ATXN7: variants seen among roughly 807,000 people sequenced by gnomAD.
ATXN7 encodes the protein ataxin-7.
Under a neutral mutation model 70.5 loss-of-function variants are expected in ATXN7, and 12 were observed. The ratio of observed to expected loss-of-function variants is 0.17; its 90% confidence interval spans 0.11 to 0.28. ATXN7 has a LOEUF of 0.28. ATXN7 is among the 10% of genes least tolerant of loss of function. The pLI, the probability that ATXN7 is intolerant of heterozygous loss-of-function variation, is 1.00. For synonymous variants in ATXN7, 498 were observed against 448.7 expected, an observed-to-expected ratio of 1.11 and a Z score of -1.39; for missense variants, 1,256 against 1,131.7, an observed-to-expected ratio of 1.11 and a Z score of -1.58.
At position 63,993,566 on chromosome 3, in the gene ATXN7, T is replaced by C. The variant is rs749891863; in HGVS notation, c.1683-1939T>C. Among the ~76,000 whole-genome samples, 184 of 152,232 alleles carry C rather than the reference T, an allele frequency of 1.2e-3. 3 individuals are homozygous for C. The highest frequency in any genetic ancestry group is 1.5e-3 in the Non-Finnish European group (100 of 68,046). Reference sequence around the variant, plus strand: ...CCACAGACATTTTTATTATTTTTTATGTATCTCTACATAGTTTATTTATGC... The same window carrying C: ...CCACAGACATTTTTATTATTTTTTACGTATCTCTACATAGTTTATTTATGC... On this transcript the variant is annotated intron_variant, in intron 11 of 12. Transcript: ENST00000674280.
At chr3:63,980,683 C>T (rs2075471399) in intron 6 of ATXN7, 1 of 157,980 alleles carries the variant, frequency 6.3e-6, no homozygotes, top group Admixed American at 6.0e-5. Flanking sequence ...TGTCTAGCAC[C>T]TGGCATAGTG....
rs375525794 is a variant in ATXN7 at position 63,978,889 on chromosome 3, C to T, written c.500-1026C>T. On this transcript the variant is annotated intron_variant, in intron 5 of 12. Transcript: ENST00000674280. ...AAACCATTGAAGTCTTACTTGTGGTCATTGATCATCATGTGCTTAATGTTT... is the reference window on the plus strand; with the variant it reads ...AAACCATTGAAGTCTTACTTGTGGTTATTGATCATCATGTGCTTAATGTTT... 3.1e-4 allele frequency among the ~76,000 whole-genome samples: 47 copies of T among 152,306 alleles called. No individual in the cohort carries two copies. In the East Asian group the frequency reaches 3.7e-3, roughly 12 times the overall value.
Position 64,002,906 on chromosome 3 carries a change from C to G in ATXN7, c.*3439C>G, listed in dbSNP as rs2075849748. 1.3e-5 allele frequency: 2 copies of G among 151,678 alleles called. No individual in the cohort carries two copies. The highest frequency in any genetic ancestry group is 1.3e-4 in the Admixed American group (2 of 15,222). 9.4% of individuals were successfully genotyped at this position (151,678 alleles called of 1,614,324 possible). On this transcript the variant is annotated 3_prime_UTR_variant, in exon 13 of 13. Coordinates refer to ENST00000674280, the MANE Select transcript of ATXN7 (RefSeq NM_001377405.1). ...TAAAATATTTAAAATATTTTGTATT[C>G]CAAAAATATAATACAAAGAAGTACC... is the stretch of plus-strand genomic sequence containing the variant.
chr3:63,972,158 A>T (rs1559651466), intron 5 of ATXN7, among the ~76,000 whole-genome samples: 1 of 152,250 alleles, frequency 6.6e-6, no homozygotes, highest in Non-Finnish European at 1.5e-5. Context: ...AAAAATAAAC[A>T]ATAAATAATT....
chr3:63,872,602 C>G (rs996160530), intron 1 of ATXN7, among the ~76,000 whole-genome samples: 7 of 152,306 alleles, frequency 4.6e-5, no homozygotes, highest in Admixed American at 1.3e-4. Flanking sequence ...AAGCAAGTCA[C>G]AAGGCCAACT....
At position 63,884,604 on chromosome 3, in the gene ATXN7, A is replaced by G. The variant is rs79304448; in HGVS notation, c.-110-13795A>G. ...CTCCAAATGATTTATGCAGATAATC[A>G]TCTCTCAAGGAGATGGAACATCACT... On this transcript the variant is annotated intron_variant, in intron 1 of 12. Coordinates refer to ENST00000674280, the MANE Select transcript of ATXN7 (RefSeq NM_001377405.1). 3.1e-3 allele frequency among the ~76,000 whole-genome samples: 470 copies of G among 152,124 alleles called. 3 individuals are homozygous for G. The highest frequency in any genetic ancestry group is 0.011 in the African/African-American group (451 of 41,524).
chr3:63,995,100 C>T (rs986523921), intron 11 of ATXN7, among the ~76,000 whole-genome samples: 10 of 148,926 alleles, frequency 6.7e-5, no homozygotes, highest in African/African-American at 1.9e-4. Flanking sequence ...AGGACCACAA[C>T]GGTAATTAAG....
chr3:63,912,848 C>T lies in ATXN7; in HGVS notation c.250C>T (p.Leu84=), dbSNP rs754838412. 15 of 1,612,490 alleles carry T rather than the reference C, an allele frequency of 9.3e-6. No homozygotes were observed. Among genetic ancestry groups the T allele is most frequent in the South Asian group, 5.5e-5 (5 of 91,056 alleles). ...GGCGACGGTCGGGGAGCGCAGGCCTCTGCCCAGTCCTGAAGTGATGCTGGG... is the reference window on the plus strand; with the variant it reads ...GGCGACGGTCGGGGAGCGCAGGCCTTTGCCCAGTCCTGAAGTGATGCTGGG... ...AMATVGERRP[L]PSPEVMLGQS... The change falls in exon 3 of 13, where the codon CTG becomes TTG. Residue 84 remains leucine, a synonymous_variant. Transcript: ENST00000674280.
In ATXN7 at chr3:63,982,388, G is replaced by C; in HGVS notation, c.955G>C (p.Glu319Gln). 1 of 1,613,622 alleles carries C rather than the reference G, an allele frequency of 6.2e-7. No individual in the cohort carries two copies. The highest frequency in any genetic ancestry group is 8.5e-7 in the Non-Finnish European group (1 of 1,179,652). The change falls in exon 7 of 13, where the codon GAA becomes CAA. Residue 319 changes from glutamate to glutamine, a missense_variant. Transcript: ENST00000674280. The stretch of plus-strand genomic sequence containing the variant: ...AGGGCTTCCTGCACCGCCCACTCTG[G>C]AAAAGAAACCTGAAGACAATTCCAA... Reference protein sequence around the residue: ...GKGLPAPPTLEKKPEDNSNNR... With the variant: ...GKGLPAPPTLQKKPEDNSNNR...
At chr3:63,957,380 G>A (rs1382407869) in intron 5 of ATXN7, among the ~76,000 whole-genome samples, 2 of 152,196 alleles carry the variant, frequency 1.3e-5, no homozygotes, top group African/African-American at 2.4e-5. Context: ...CTCTAAGCAG[G>A]TTGGAGCAGC....
At chr3:63,996,818 T>G (rs542417682) in intron 12 of ATXN7, among the ~76,000 whole-genome samples, 1 of 152,244 alleles carries the variant, frequency 6.6e-6, no homozygotes, top group South Asian at 2.1e-4. Flanking sequence ...TAGCCAGTAA[T>G]GTGTTATCCC....
intron 9 of ATXN7, among the ~76,000 whole-genome samples, chr3:63,989,561 C>CT (rs34821550): frequency 0.052 from 7,676 of 146,706 alleles, 244 homozygotes; most frequent in African/African-American, 0.091. Context: ...CATGTATAGG[C>CT]TTTTTTTTTT....
chr3:63,952,967 C>T (rs575557604), intron 5 of ATXN7, among the ~76,000 whole-genome samples: 18 of 148,054 alleles, frequency 1.2e-4, no homozygotes, highest in Admixed American at 9.6e-4. Flanking sequence ...GTCATAATGC[C>T]TTTAAAGTGT....
At chr3:63,956,446 AGAG>A (rs1315280968) in intron 5 of ATXN7, among the ~76,000 whole-genome samples, 4 of 146,864 alleles carry the variant, frequency 2.7e-5, no homozygotes, top group South Asian at 2.1e-4. Context: ...AAAAAAAAAA[AGAG>A]TAAGGTGTTT....
At chr3:63,884,241 ATACT>A (rs1256614693) in intron 1 of ATXN7, among the ~76,000 whole-genome samples, 3 of 92,054 alleles carry the variant, frequency 3.3e-5, no homozygotes, top group African/African-American at 1.2e-4. Context: ...ACACACACAC[ATACT>A]CTCACACACA....
chr3:63,867,841 GATCACTACACTC>G (rs938615431), intron 1 of ATXN7, among the ~76,000 whole-genome samples: 3 of 152,102 alleles, frequency 2.0e-5, no homozygotes, highest in Non-Finnish European at 2.9e-5. Context: ...AGTGAGCCGA[GATCACTACACTC>G]TAGCCTGGGC....
At chr3:63,899,368 ATGT>A (rs1334022227) in intron 2 of ATXN7, among the ~76,000 whole-genome samples, 1 of 151,996 alleles carries the variant, frequency 6.6e-6, no homozygotes, top group Non-Finnish European at 1.5e-5. Context: ...TGGCACATTA[ATGT>A]TGTTTCTCAC....
chr3:63,943,514 A>G (rs936409951), intron 4 of ATXN7, among the ~76,000 whole-genome samples: 8 of 152,154 alleles, frequency 5.3e-5, no homozygotes, highest in African/African-American at 1.9e-4. Context: ...TTGAATTTCC[A>G]AAGTACTTAC....
At chr3:63,946,002 G>C (rs1481132579) in intron 4 of ATXN7, among the ~76,000 whole-genome samples, 2 of 152,184 alleles carry the variant, frequency 1.3e-5, no homozygotes, top group Admixed American at 1.3e-4. Context: ...TGGTGGGCTA[G>C]GTCAGGGATC....
Sources: gnomAD v4.1 joint callset for allele counts (sites outside exome capture counted in the v4.1 genomes callset) on GRCh38, gnomAD v4.1.1 for gene constraint, MANE v1.5 for transcripts, NCBI Gene and HGNC (gene_info 2026-07-23, HGNC 2026-07-21) for gene names.